SGCZ: variants seen among roughly 807,000 people sequenced by gnomAD.
The protein encoded by SGCZ is zeta-sarcoglycan.
Under a neutral mutation model 41.3 loss-of-function variants are expected in SGCZ, and 40 were observed. That is an observed-to-expected ratio of 0.97 (90% confidence interval 0.75 to 1.26). The LOEUF is 1.26. SGCZ is among the 50% of genes most tolerant of loss of function. The pLI, the probability that SGCZ is intolerant of heterozygous loss-of-function variation, is 0.00. For missense variants in SGCZ, 552 were observed against 369.8 expected (o/e 1.49, Z -4.04); for synonymous variants, 206 against 137.5 (o/e 1.50, Z -3.49).
chr8:14,904,547 G>A, intron 1 of SGCZ, among the ~76,000 whole-genome samples: 1 of 151,854 alleles, frequency 6.6e-6, no homozygotes, highest in East Asian at 1.9e-4. Flanking sequence ...AATAATTTCT[G>A]AAGGAAATTT....
chr8:14,663,450 A>T (rs191437097), intron 1 of SGCZ, among the ~76,000 whole-genome samples: 3 of 152,218 alleles, frequency 2.0e-5, no homozygotes, highest in Non-Finnish European at 4.4e-5. Context: ...TCCAGTATCA[A>T]TTTCTATTAT....
chr8:14,351,913 C>G (rs1007319601), intron 2 of SGCZ, among the ~76,000 whole-genome samples: 1 of 152,000 alleles, frequency 6.6e-6, no homozygotes, highest in South Asian at 2.1e-4. Flanking sequence ...TATATGAACA[C>G]GGACACTTTG....
At chr8:15,006,157 T>G (rs1008547160) in intron 1 of SGCZ, among the ~76,000 whole-genome samples, 1 of 152,226 alleles carries the variant, frequency 6.6e-6, no homozygotes, top group African/African-American at 2.4e-5. Context: ...AAAACATATT[T>G]TAATGTCTGT....
At chr8:14,552,265 A>G (rs763846894) in intron 2 of SGCZ, among the ~76,000 whole-genome samples, 7 of 152,092 alleles carry the variant, frequency 4.6e-5, no homozygotes, top group Non-Finnish European at 8.8e-5. Flanking sequence ...TCTAGTATTC[A>G]GGATTGCTGA....
intron 1 of SGCZ, among the ~76,000 whole-genome samples, chr8:15,132,928 C>T (rs562017570): frequency 6.6e-6 from 1 of 152,186 alleles, no homozygotes; most frequent in East Asian, 1.9e-4. Context: ...ACTGCATGAG[C>T]CCAAGAGTTC....
At chr8:15,183,597 G>C (rs1800242659) in intron 1 of SGCZ, among the ~76,000 whole-genome samples, 1 of 152,136 alleles carries the variant, frequency 6.6e-6, no homozygotes, top group South Asian at 2.1e-4. Flanking sequence ...GAAAGTTTCA[G>C]GGGATTGGGT....
At chr8:14,374,321 G>A (rs1034120562) in intron 2 of SGCZ, among the ~76,000 whole-genome samples, 3 of 152,132 alleles carry the variant, frequency 2.0e-5, no homozygotes, top group African/African-American at 7.2e-5. Flanking sequence ...CACCAGTATG[G>A]GTGACAGAGA....
intron 1 of SGCZ, among the ~76,000 whole-genome samples, chr8:14,720,055 T>G (rs1020347296): frequency 6.6e-6 from 1 of 152,032 alleles, no homozygotes; most frequent in Non-Finnish European, 1.5e-5. Context: ...AGGGATCCAG[T>G]TTCAGCTTTC....
intron 1 of SGCZ, among the ~76,000 whole-genome samples, chr8:14,698,210 A>T (rs1252618031): frequency 6.6e-6 from 1 of 151,980 alleles, no homozygotes; most frequent in Non-Finnish European, 1.5e-5. Context: ...AGCATCTAAT[A>T]ACCTAATAAA....
chr8:14,624,678 C>A (rs552958252), intron 1 of SGCZ, among the ~76,000 whole-genome samples: 7 of 147,552 alleles, frequency 4.7e-5, no homozygotes, highest in African/African-American at 1.5e-4. Context: ...TCAAGTAATT[C>A]TCCTACCTCA....
intron 2 of SGCZ, among the ~76,000 whole-genome samples, chr8:14,343,134 A>G (rs1241664778): frequency 6.6e-6 from 1 of 152,208 alleles, no homozygotes; most frequent in Non-Finnish European, 1.5e-5. Context: ...CCTCTGCCTA[A>G]ATTTCAGAAG....
chr8:14,123,294 T>G (rs1403790365), intron 5 of SGCZ, among the ~76,000 whole-genome samples: 1 of 152,158 alleles, frequency 6.6e-6, no homozygotes, highest in African/African-American at 2.4e-5. Flanking sequence ...TGCCAATTAA[T>G]TATTCATTTG....
intron 1 of SGCZ, among the ~76,000 whole-genome samples, chr8:14,767,987 C>T (rs1455496386): frequency 1.3e-5 from 2 of 152,128 alleles, no homozygotes; most frequent in African/African-American, 4.8e-5. Flanking sequence ...GGATCCCAGT[C>T]CTCCATGTAA....
intron 2 of SGCZ, among the ~76,000 whole-genome samples, chr8:14,399,157 T>A (rs1359822645): frequency 6.6e-6 from 1 of 152,142 alleles, no homozygotes; most frequent in Non-Finnish European, 1.5e-5. Context: ...CATTTCAGAA[T>A]TTAAAATATT....
chr8:14,117,064 T>C (rs2062058148), intron 5 of SGCZ, among the ~76,000 whole-genome samples: 1 of 152,104 alleles, frequency 6.6e-6, no homozygotes, highest in Non-Finnish European at 1.5e-5. Context: ...GTTGCCATAA[T>C]ATCTTTAAAG....
At chr8:14,361,169 A>G (rs1330565777) in intron 2 of SGCZ, among the ~76,000 whole-genome samples, 2 of 152,118 alleles carry the variant, frequency 1.3e-5, no homozygotes, top group African/African-American at 2.4e-5. Flanking sequence ...CATTCTTTAC[A>G]TATTCCATTT....
intron 4 of SGCZ, among the ~76,000 whole-genome samples, chr8:14,225,310 T>C (rs944707889): frequency 6.6e-6 from 1 of 152,026 alleles, no homozygotes; most frequent in African/African-American, 2.4e-5. Flanking sequence ...TGTGAGAATA[T>C]AAAAAAGAAA....
chr8:15,135,733 G>C (rs939561059), intron 1 of SGCZ, among the ~76,000 whole-genome samples: 5 of 151,826 alleles, frequency 3.3e-5, no homozygotes, highest in African/African-American at 9.7e-5. Flanking sequence ...ACTGGGGCTT[G>C]GCCTGGGATG....
chr8:14,667,091 A>G (rs1180712695), intron 1 of SGCZ, among the ~76,000 whole-genome samples: 1 of 152,150 alleles, frequency 6.6e-6, no homozygotes, highest in East Asian at 1.9e-4. Flanking sequence ...TATCTTCAAT[A>G]TTCAAAGTGC....
Sources: allele counts gnomAD v4.1 joint callset (sites outside exome capture counted in the v4.1 genomes callset), GRCh38; gene constraint gnomAD v4.1.1; transcripts MANE v1.5; gene names NCBI Gene and HGNC (gene_info 2026-07-23, HGNC 2026-07-21).